DDX60L: variants seen among roughly 807,000 people sequenced by gnomAD.
DDX60L encodes the protein DExD/H-box 60 like.
DDX60L carries 191 observed loss-of-function variants against 211.6 expected under a neutral mutation model. The ratio of observed to expected loss-of-function variants is 0.90; its 90% CI spans 0.80 to 1.02. DDX60L has a LOEUF of 1.02. DDX60L is among the 50% of genes least tolerant of loss of function. DDX60L has a pLI of 0.00. For missense variants in DDX60L, 2,007 were observed against 1,984.1 expected (o/e 1.01, Z -0.22); for synonymous variants, 706 against 694.1 (o/e 1.02, Z -0.27).
At chr4:168,446,241 C>G (rs1437370887) in intron 9 of DDX60L, among the ~76,000 whole-genome samples, 8 of 151,894 alleles carry the variant, frequency 5.3e-5, no homozygotes, top group African/African-American at 1.9e-4. Flanking sequence ...CAACAACAGA[C>G]AAACAGAGAG....
At chr4:168,424,903 G>A (rs1008198696) in intron 14 of DDX60L, among the ~76,000 whole-genome samples, 1 of 152,086 alleles carries the variant, frequency 6.6e-6, no homozygotes, top group Non-Finnish European at 1.5e-5. Context: ...CCATTGAGAA[G>A]TAAGCAAAAA....
intron 10 of DDX60L, 92 bp downstream of exon 10, chr4:168,441,245 A>T: frequency 7.9e-7 from 1 of 1,265,098 alleles, no homozygotes; most frequent in Non-Finnish European, 1.1e-6. Context: ...AAGGAAAATT[A>T]TTTACACTTG....
chr4:168,419,222 AAGCCCTAT>A (rs1750068899), intron 19 of DDX60L, 72 bp downstream of exon 19: 1 of 942,500 alleles, frequency 1.1e-6, no homozygotes, highest in African/African-American at 1.7e-5. Context: ...ATCATTGAAA[AAGCCCTAT>A]ATTCTTTAAA....
chr4:168,364,028 G>C (rs866196154), intron 36 of DDX60L, among the ~76,000 whole-genome samples: 1 of 152,178 alleles, frequency 6.6e-6, no homozygotes, highest in Non-Finnish European at 1.5e-5. Flanking sequence ...GCTGAGCTGG[G>C]AGGACTGAAT....
At chr4:168,385,726 T>C (rs1385162016) in intron 29 of DDX60L, among the ~76,000 whole-genome samples, 1 of 152,214 alleles carries the variant, frequency 6.6e-6, no homozygotes, top group Non-Finnish European at 1.5e-5. Context: ...ACAGAAGTCT[T>C]CTGTGTTGAT....
chr4:168,375,042 T>C (rs1741699670), intron 34 of DDX60L, among the ~76,000 whole-genome samples: 1 of 152,254 alleles, frequency 6.6e-6, no homozygotes, highest in African/African-American at 2.4e-5. Context: ...TATGCCGTTT[T>C]CTTTTTCATC....
intron 9 of DDX60L, among the ~76,000 whole-genome samples, chr4:168,448,371 C>T (rs1275788968): frequency 6.6e-6 from 1 of 152,026 alleles, no homozygotes; most frequent in Non-Finnish European, 1.5e-5. Flanking sequence ...ATATTAATTA[C>T]AGCAAGCGTT....
At chr4:168,398,511 G>A (rs947043046) in intron 26 of DDX60L, among the ~76,000 whole-genome samples, 14 of 152,298 alleles carry the variant, frequency 9.2e-5, no homozygotes, top group East Asian at 1.9e-4. Context: ...AGACAGGCTC[G>A]GAGCAGAAAG....
chr4:168,453,354 C>A (rs934602105), intron 7 of DDX60L, 72 bp from the exon 8 acceptor site: 8 of 1,456,894 alleles, frequency 5.5e-6, no homozygotes, highest in Non-Finnish European at 7.4e-6. Context: ...AGGCACTCCA[C>A]GAAGATCATA....
chr4:168,429,970 G>T (rs1221448202), intron 13 of DDX60L, among the ~76,000 whole-genome samples: 2 of 152,158 alleles, frequency 1.3e-5, no homozygotes, highest in African/African-American at 2.4e-5. Flanking sequence ...GGCCAAGGTG[G>T]GTGGATCACC....
chr4:168,358,041 G>C lies in DDX60L; in HGVS notation c.*106C>G. 2 of 1,003,898 alleles carry C rather than the reference G, an allele frequency of 2.0e-6. No individual in the cohort carries two copies. Among genetic ancestry groups the C allele is most frequent in the Non-Finnish European group, 3.0e-6 (2 of 675,586 alleles). 62.2% of individuals were successfully genotyped at this position (1,003,898 alleles called of 1,614,324 possible). A position where few individuals can be genotyped will look rare whatever the true frequency, so the allele number is the denominator to read the frequency against. ...CTGATATCTGAGTTTAATTCTGTTTGACTCCAAGACAAACATTTTTTCCAT... is the reference window on the plus strand; with the variant it reads ...CTGATATCTGAGTTTAATTCTGTTTCACTCCAAGACAAACATTTTTTCCAT... On this transcript the variant is annotated 3_prime_UTR_variant, in exon 38 of 38. Coordinates refer to ENST00000682922, the MANE Select transcript of DDX60L (RefSeq NM_001012967.3).
chr4:168,427,762 A>G (rs1751696512), intron 13 of DDX60L, among the ~76,000 whole-genome samples: 1 of 152,200 alleles, frequency 6.6e-6, no homozygotes, highest in African/African-American at 2.4e-5. Flanking sequence ...CCAACGGTCT[A>G]AGCAGACATT....
intron 19 of DDX60L, among the ~76,000 whole-genome samples, 175 bp from the exon 20 acceptor site, chr4:168,416,972 T>A (rs991765486): frequency 6.6e-6 from 1 of 152,166 alleles, no homozygotes; most frequent in Non-Finnish European, 1.5e-5. Flanking sequence ...GTCTCCAATC[T>A]CCATATCGAA....
intron 24 of DDX60L, among the ~76,000 whole-genome samples, chr4:168,405,181 G>T (rs1177831172): frequency 3.9e-5 from 6 of 151,936 alleles, no homozygotes; most frequent in African/African-American, 1.5e-4. Context: ...GCTAATTTTT[G>T]TATTTTTTTA....
In DDX60L at chr4:168,406,112, G is replaced by A. The variant is rs772951866; in HGVS notation, c.3085-34C>T. The A allele has an allele frequency of 8.9e-6, 14 of 1,574,632 alleles. No homozygotes were observed. The Middle Eastern group carries it at 7.2e-4, about 81-fold the overall frequency. On this transcript the variant is annotated intron_variant, in intron 23 of 37. Transcript: ENST00000682922. ...GAAAATTATCACAAAATTAAGCTAA[G>A]CTATGCAATCTATAGTAAGAAAAAT...
In DDX60L at chr4:168,438,412, C is replaced by G. The variant is rs116175721; in HGVS notation, c.1294+2925G>C. 3.7e-3 allele frequency among the ~76,000 whole-genome samples: 568 copies of G among 152,234 alleles called. 2 individuals carry two copies. Among genetic ancestry groups the G allele is most frequent in the Admixed American group, 9.0e-3 (138 of 15,284 alleles). On this transcript the variant is annotated intron_variant, in intron 10 of 37. Coordinates refer to ENST00000682922, the MANE Select transcript of DDX60L (RefSeq NM_001012967.3). ...TCAAGACTTCTTGGGATTGTGTTTTCCCCAGGCCACAGTCAACCATATTAG... is the reference window on the plus strand; with the variant it reads ...TCAAGACTTCTTGGGATTGTGTTTTGCCCAGGCCACAGTCAACCATATTAG...
intron 22 of DDX60L, among the ~76,000 whole-genome samples, chr4:168,413,997 A>G (rs1262285828): frequency 2.0e-5 from 3 of 152,220 alleles, no homozygotes; most frequent in Admixed American, 2.0e-4. Flanking sequence ...AGAGAAAAGA[A>G]ACAAATAACA....
chr4:168,456,609 T>C (rs2150076671), intron 6 of DDX60L, among the ~76,000 whole-genome samples: 1 of 152,252 alleles, frequency 6.6e-6, no homozygotes, highest in African/African-American at 2.4e-5. Flanking sequence ...AAGATAAAAG[T>C]ACAGGTAGGT....
chr4:168,416,674 A>C lies in DDX60L; in HGVS notation c.2726+8T>G. On this transcript the variant is annotated splice_region_variant and intron_variant, in intron 20 of 37. Transcript: ENST00000682922. ...TATATAACAACCACTCTTTTTACCT[A>C]TACCTACTTGGTGAGAAGATTTGGG... 2 of 1,551,244 alleles carry C rather than the reference A, an allele frequency of 1.3e-6. No homozygotes were observed. The highest frequency in any genetic ancestry group is 1.8e-6 in the Non-Finnish European group (2 of 1,137,360).
Sources: gnomAD v4.1 joint callset for allele counts (sites outside exome capture counted in the v4.1 genomes callset) on GRCh38, gnomAD v4.1.1 for gene constraint, MANE v1.5 for transcripts, NCBI Gene and HGNC (gene_info 2026-07-23, HGNC 2026-07-21) for gene names.